The following ASH1L variants were observed in gnomAD, a reference collection of about 807,000 sequenced individuals.
The protein encoded by ASH1L is ASH1 like histone lysine methyltransferase.
ASH1L carries 23 observed loss-of-function variants against 269.0 expected under a neutral mutation model. The ratio of observed to expected loss-of-function variants is 0.09; its 90% confidence interval spans 0.06 to 0.12. The LOEUF (loss-of-function observed/expected upper bound fraction) is 0.12, where lower values mean the gene tolerates loss of function less well. ASH1L is among the 10% of genes least tolerant of loss of function. ASH1L has a pLI of 1.00. For missense variants in ASH1L, 2,912 were observed against 3,567.8 expected, an observed-to-expected ratio of 0.82 and a Z score of 4.68; for synonymous variants, 1,187 against 1,253.5, an observed-to-expected ratio of 0.95 and a Z score of 1.12.
chr1:155,464,221 A>G (rs1664513984), intron 3 of ASH1L, among the ~76,000 whole-genome samples: 1 of 152,196 alleles, frequency 6.6e-6, no homozygotes, highest in African/African-American at 2.4e-5. Context: ...CATTCCACAA[A>G]GGACAAGAGG....
At chr1:155,349,951 G>A (rs1293043907) in intron 17 of ASH1L, among the ~76,000 whole-genome samples, 8 of 143,368 alleles carry the variant, frequency 5.6e-5, no homozygotes, top group Non-Finnish European at 1.2e-4. Context: ...GTGCAGTGGC[G>A]TGATCTTTGC....
chr1:155,366,989 G>GTTTT (rs896488958), intron 12 of ASH1L, among the ~76,000 whole-genome samples: 14 of 124,190 alleles, frequency 1.1e-4, no homozygotes, highest in South Asian at 2.6e-4. Flanking sequence ...AATGGGTTTG[G>GTTTT]TTTTTTTTTT....
intron 10 of ASH1L, among the ~76,000 whole-genome samples, chr1:155,371,576 A>G (rs1655949384): frequency 6.6e-6 from 1 of 152,092 alleles, no homozygotes; most frequent in Non-Finnish European, 1.5e-5. Flanking sequence ...AAATAAATAA[A>G]TAACTGTGAT....
intron 7 of ASH1L, among the ~76,000 whole-genome samples, chr1:155,389,884 T>C (rs966539677): frequency 5.9e-5 from 9 of 151,828 alleles, no homozygotes; most frequent in African/African-American, 1.7e-4. Flanking sequence ...TAGCTTTTTT[T>C]TTTTTTTTTT....
chr1:155,383,297 C>T (rs1657144462), intron 7 of ASH1L, among the ~76,000 whole-genome samples: 1 of 152,164 alleles, frequency 6.6e-6, no homozygotes, highest in African/African-American at 2.4e-5. Flanking sequence ...AGTAGTTTAA[C>T]AGTGATGTCC....
At chr1:155,532,987 T>C (rs1171007421) in intron 1 of ASH1L, among the ~76,000 whole-genome samples, 2 of 149,578 alleles carry the variant, frequency 1.3e-5, no homozygotes, top group Non-Finnish European at 3.0e-5. Context: ...AGAGAGAGTG[T>C]GTGTGTGTGT....
In ASH1L at chr1:155,386,542, T is replaced by G. The variant is rs201959519; in HGVS notation, c.6104-6426A>C. Among the ~76,000 whole-genome samples the G allele has an allele frequency of 4.3e-5, 6 of 138,752 alleles. No homozygotes were observed. The East Asian group carries it at 1.3e-3, about 30-fold the overall frequency. 91.0% of individuals were successfully genotyped at this position (138,752 alleles called of 152,430 possible). On this transcript the variant is annotated intron_variant, in intron 7 of 27. Transcript: ENST00000392403. The stretch of plus-strand genomic sequence containing the variant: ...CTGGGATTACAGGCACGTGCCACCA[T>G]GCCCAGCTAATTTTTTCTATTTTTT...
At position 155,337,285 on chromosome 1, in the gene ASH1L, A is replaced by AAGAACTATACCATTTTCT; in HGVS notation, c.*374_*375insAGAAAATGGTATAGTTCT. On this transcript the variant is annotated 3_prime_UTR_variant, in exon 28 of 28. Transcript: ENST00000392403. ...TTTGGATTTTGAGTTATACCTGGGT[A>AAGAACTATACCATTTTCT]TAGGAAGCAGCTTCTTCGCAATGCC... is the stretch of plus-strand genomic sequence containing the variant. The AAGAACTATACCATTTTCT allele has an allele frequency of 5.9e-6, 1 of 170,336 alleles. No individual in the cohort carries two copies. Among genetic ancestry groups the AAGAACTATACCATTTTCT allele is most frequent in the Non-Finnish European group, 1.3e-5 (1 of 79,392 alleles). 10.6% of individuals were successfully genotyped at this position (170,336 alleles called of 1,614,324 possible).
intron 2 of ASH1L, among the ~76,000 whole-genome samples, chr1:155,483,643 G>T (rs770528923): frequency 6.6e-6 from 1 of 151,652 alleles, no homozygotes; most frequent in Admixed American, 6.6e-5. Context: ...TACTTTGAGG[G>T]TCTACCCAAG....
At chr1:155,475,172 A>G (rs1665440697) in intron 3 of ASH1L, among the ~76,000 whole-genome samples, 1 of 151,246 alleles carries the variant, frequency 6.6e-6, no homozygotes. Flanking sequence ...ATTTTTTGAG[A>G]TACAGTCTCA....
intron 16 of ASH1L, 93 bp from the exon 17 acceptor site, chr1:155,352,951 T>C (rs911584640): frequency 4.8e-6 from 6 of 1,241,346 alleles, no homozygotes; most frequent in Non-Finnish European, 6.7e-6. Flanking sequence ...TGCTCTATTT[T>C]CCCCTGAAGT....
chr1:155,480,718 G>C lies in ASH1L; in HGVS notation c.2152C>G (p.Arg718Gly). Reference protein sequence around the residue: ...PLKKRKGRKPRWTKVVARSTC... With the variant: ...PLKKRKGRKPGWTKVVARSTC... ...CTTCTTGCCACCACTTTAGTCCACC[G>C]AGGTTTTCTTCCTTTTCTTTTTTTT... Residue 718 changes from arginine to glycine, a missense_variant, in exon 3 of 28, where the codon CGG becomes GGG. Coordinates refer to ENST00000392403, the MANE Select transcript of ASH1L (RefSeq NM_018489.3). 1 of 1,613,526 alleles carries C rather than the reference G, an allele frequency of 6.2e-7. No homozygotes were observed. The highest frequency in any genetic ancestry group is 8.5e-7 in the Non-Finnish European group (1 of 1,179,950).
chr1:155,533,533 G>A (rs935933359), intron 1 of ASH1L, among the ~76,000 whole-genome samples: 6 of 151,286 alleles, frequency 4.0e-5, no homozygotes, highest in African/African-American at 1.5e-4. Context: ...CCAATATGGT[G>A]AAACCCCGTC....
chr1:155,474,054 G>A (rs562270779), intron 3 of ASH1L, among the ~76,000 whole-genome samples: 4 of 152,158 alleles, frequency 2.6e-5, no homozygotes, highest in East Asian at 1.9e-4. Flanking sequence ...GGCTGGTTTC[G>A]AACTCCTGAC....
chr1:155,421,321 T>A (rs1660660578), intron 5 of ASH1L, among the ~76,000 whole-genome samples: 1 of 145,200 alleles, frequency 6.9e-6, no homozygotes, highest in Non-Finnish European at 1.5e-5. Flanking sequence ...CCAACAGTTT[T>A]TTTTTTTTTT....
At chr1:155,368,529 C>T (rs1047420714) in intron 12 of ASH1L, among the ~76,000 whole-genome samples, 8 of 151,914 alleles carry the variant, frequency 5.3e-5, no homozygotes, top group Admixed American at 2.0e-4. Context: ...ACCATCTTGG[C>T]TCACTGCAAC....
chr1:155,378,375 C>T lies in ASH1L; in HGVS notation c.6238G>A (p.Val2080Ile), dbSNP rs749494995. 23 of 1,614,066 alleles carry T rather than the reference C, an allele frequency of 1.4e-5. No homozygotes were observed. The East Asian group carries it at 4.9e-4, about 34-fold the overall frequency. The stretch of plus-strand genomic sequence containing the variant: ...GCTTCGTAACCAGAAAGGGGTTTGA[C>T]ATCAACGTAGACATCTTGAAAAGAA... ...KKIRSNVYVD[V>I]KPLSGYEATT... is the part of the protein sequence containing the mutation. Residue 2080 changes from valine (V) to isoleucine (I), a missense_variant, in exon 10 of 28, where the codon GTC (valine) becomes ATC (isoleucine). By Grantham distance (29) the Val-to-Ile change is conservative (BLOSUM62 3). Around this residue, in one of 13 missense-constraint regions of ASH1L, gnomAD observed 193 missense variants for 311.6 expected, o/e 0.62. Transcript: ENST00000392403.
At chr1:155,465,190 G>C (rs1208581859) in intron 3 of ASH1L, among the ~76,000 whole-genome samples, 1 of 139,018 alleles carries the variant, frequency 7.2e-6, no homozygotes, top group Non-Finnish European at 1.5e-5. Context: ...GCATCCCAAA[G>C]AAATCATGAG....
At chr1:155,467,393 T>G (rs1429350827) in intron 3 of ASH1L, among the ~76,000 whole-genome samples, 1 of 152,214 alleles carries the variant, frequency 6.6e-6, no homozygotes, top group Non-Finnish European at 1.5e-5. Flanking sequence ...TTACTGTAAT[T>G]TCACTTGCAT....
Sources: gnomAD v4.1 joint callset for allele counts (sites outside exome capture counted in the v4.1 genomes callset) on GRCh38, gnomAD v4.1.1 for gene constraint, gnomAD v4.1.1 regional missense constraint, MANE v1.5 for transcripts, NCBI Gene and HGNC (gene_info 2026-07-23, HGNC 2026-07-21) for gene names.